The following MRPS23 variants were observed in gnomAD, a reference collection of about 807,000 sequenced individuals.
The protein encoded by MRPS23 is mitochondrial ribosomal protein S23, also known as small ribosomal subunit protein mS23.
MRPS23 carries 14 observed loss-of-function variants against 19.8 expected under a neutral mutation model. The ratio of observed to expected loss-of-function variants is 0.71; its 90% confidence interval spans 0.47 to 1.11. MRPS23 has a LOEUF of 1.11. Ranked by LOEUF, MRPS23 falls within the 50% of genes least tolerant of loss-of-function variation. MRPS23 has a pLI of 0.00. For synonymous variants in MRPS23, 113 were observed against 89.7 expected, an observed-to-expected ratio of 1.26 and a Z score of -1.47; for missense variants, 242 against 236.7, an observed-to-expected ratio of 1.02 and a Z score of -0.15.
intron 2 of MRPS23, among the ~76,000 whole-genome samples, chr17:57,844,535 G>A (rs1454907022): frequency 6.6e-6 from 1 of 150,560 alleles, no homozygotes; most frequent in South Asian, 2.1e-4. Context: ...CAAGGTAGGT[G>A]AATCACTGGA....
chr17:57,846,963 AAAAAAAG>A (rs2073780506), intron 2 of MRPS23, among the ~76,000 whole-genome samples: 1 of 151,488 alleles, frequency 6.6e-6, no homozygotes, highest in Non-Finnish European at 1.5e-5. Context: ...ATAAAAAATA[AAAAAAAG>A]AAAAAATAGA....
intron 2 of MRPS23, among the ~76,000 whole-genome samples, chr17:57,848,140 T>G (rs2073788531): frequency 6.6e-6 from 1 of 151,992 alleles, no homozygotes; most frequent in East Asian, 1.9e-4. Context: ...CCCAGGGTGG[T>G]CTCAAACTCC....
At chr17:57,841,407 T>C (rs2073739278) in intron 2 of MRPS23, 147 bp from the exon 3 acceptor site, 2 of 754,850 alleles carry the variant, frequency 2.6e-6, no homozygotes, top group Non-Finnish European at 4.2e-6. Flanking sequence ...TTTGTTTTTT[T>C]AGATAAGTAA....
intron 2 of MRPS23, among the ~76,000 whole-genome samples, chr17:57,845,282 T>C (rs900335990): frequency 6.6e-6 from 1 of 152,216 alleles, no homozygotes; most frequent in African/African-American, 2.4e-5. Flanking sequence ...CTCAAAGATC[T>C]CATGTTGTAT....
intron 2 of MRPS23, 146 bp downstream of exon 2, chr17:57,849,094 G>T: frequency 1.1e-6 from 1 of 947,968 alleles, no homozygotes; most frequent in Non-Finnish European, 1.5e-6. Flanking sequence ...TGAGGAAGGG[G>T]TGCTGCCTCC....
intron 2 of MRPS23, among the ~76,000 whole-genome samples, chr17:57,842,621 A>G (rs1422752225): frequency 6.6e-6 from 1 of 152,172 alleles, no homozygotes; most frequent in African/African-American, 2.4e-5. Context: ...AGGTATGTGC[A>G]TTTGTAATTA....
At position 57,835,242 on chromosome 17, in the gene MRPS23, C is replaced by T. The variant is rs1406296331; in HGVS notation, c.*4541G>A. ...ATCTCTGTCTGCCACTTAGATATAG[C>T]ACCATCACCTTCAACTTAGTAGGTT... On this transcript the variant is annotated 3_prime_UTR_variant, in exon 5 of 5. Transcript: ENST00000313608. 6.6e-6 allele frequency: 1 copy of T among 152,260 alleles called. No homozygotes were observed. The highest frequency in any genetic ancestry group is 1.5e-5 in the Non-Finnish European group (1 of 68,078). The allele number at this position is 152,260 out of a possible 1,614,324, so 9.4% of individuals were successfully genotyped here. A position where few individuals can be genotyped will look rare whatever the true frequency, so the allele number is the denominator to read the frequency against.
Position 57,840,951 on chromosome 17 carries a change from A to C in MRPS23, c.395T>G (p.Leu132Ter). The C allele has an allele frequency of 6.2e-7, 1 of 1,614,196 alleles. No homozygotes were observed. The highest frequency in any genetic ancestry group is 1.3e-5 in the African/African-American group (1 of 75,068). Residue 132 changes from leucine (L) to a stop codon, truncating the protein, a stop_gained, in exon 4 of 5, where the codon TTA becomes TGA. Transcript: ENST00000313608. LOFTEE classifies it low-confidence loss of function (END_TRUNC). ...GKALLAEGVI[L>*]RRVGEARTQH... ...AGTCCTTGCTTCGCCTACTCGTCTT[A>C]AAATGACACCTTCTGCCAATAAAGC...
rs1238424979 is a variant in MRPS23 at position 57,834,895 on chromosome 17, C to G, written c.*4888G>C. 1 of 152,116 alleles carries G rather than the reference C, an allele frequency of 6.6e-6. No individual in the cohort carries two copies. The highest frequency in any genetic ancestry group is 2.4e-5 in the African/African-American group (1 of 41,424). The allele number at this position is 152,116 out of a possible 1,614,324, so 9.4% of individuals were successfully genotyped here. On this transcript the variant is annotated 3_prime_UTR_variant, in exon 5 of 5. Transcript: ENST00000313608. ...ACCACTTTCATTATCAGAGAACTCTCGATACAAAGTGTTCTACAAAACTAC... is the reference window on the plus strand; with the variant it reads ...ACCACTTTCATTATCAGAGAACTCTGGATACAAAGTGTTCTACAAAACTAC...
rs1372623388 is a variant in MRPS23 at position 57,844,085 on chromosome 17, C to A, written c.216-2825G>T. Among the ~76,000 whole-genome samples the A allele has an allele frequency of 2.0e-5, 3 of 149,400 alleles. No homozygotes were observed. In the East Asian group the frequency reaches 5.9e-4, roughly 29 times the overall value. On this transcript the variant is annotated intron_variant, in intron 2 of 4. Transcript: ENST00000313608. ...TTTTTACACTTAGATTTTAATACATCTTTTTTGTTTGTTTTATTTATTTTG... is the reference window on the plus strand; with the variant it reads ...TTTTTACACTTAGATTTTAATACATATTTTTTGTTTGTTTTATTTATTTTG...
chr17:57,843,834 T>C (rs925407993), intron 2 of MRPS23, among the ~76,000 whole-genome samples: 1 of 152,234 alleles, frequency 6.6e-6, no homozygotes, highest in African/African-American at 2.4e-5. Context: ...AAGCAAACTT[T>C]GTAGCCATAT....
chr17:57,839,084 A>G lies in MRPS23; in HGVS notation c.*699T>C, dbSNP rs1185906750. On this transcript the variant is annotated 3_prime_UTR_variant, in exon 5 of 5. Transcript: ENST00000313608. Reference sequence around the variant, plus strand: ...TGCCTCCTTTCTTGGCAATCCTGTTATCTACACCATATGAATCCAGTCTTT... The same window carrying G: ...TGCCTCCTTTCTTGGCAATCCTGTTGTCTACACCATATGAATCCAGTCTTT... The G allele has an allele frequency of 3.9e-5, 6 of 152,246 alleles. No individual in the cohort carries two copies. The highest frequency in any genetic ancestry group is 9.6e-5 in the African/African-American group (4 of 41,462). 9.4% of individuals were successfully genotyped at this position (152,246 alleles called of 1,614,324 possible).
chr17:57,845,408 T>C (rs940520179), intron 2 of MRPS23, among the ~76,000 whole-genome samples: 2 of 152,166 alleles, frequency 1.3e-5, no homozygotes, highest in African/African-American at 4.8e-5. Flanking sequence ...AATGACCTTA[T>C]AAATTCCATT....
chr17:57,846,621 C>A (rs553383991), intron 2 of MRPS23, among the ~76,000 whole-genome samples: 1 of 152,098 alleles, frequency 6.6e-6, no homozygotes, highest in Admixed American at 6.5e-5. Context: ...TTACCCCCAA[C>A]CCCCTGCTCT....
rs2073720723 is a variant in MRPS23 at position 57,838,441 on chromosome 17, A to C, written c.*1342T>G. The C allele has an allele frequency of 1.3e-5, 2 of 152,122 alleles. No homozygotes were observed. Among genetic ancestry groups the C allele is most frequent in the Non-Finnish European group, 2.9e-5 (2 of 68,032 alleles). The allele number at this position is 152,122 out of a possible 1,614,324, so 9.4% of individuals were successfully genotyped here. A position where few individuals can be genotyped will look rare whatever the true frequency, so the allele number is the denominator to read the frequency against. ...TGGCAAAAAAAACCTGCCCTTAAAA[A>C]ACCAGAAACCTAAGGTTTAAAGAGA... On this transcript the variant is annotated 3_prime_UTR_variant, in exon 5 of 5. Transcript: ENST00000313608.
At chr17:57,841,704 T>C (rs1205632310) in intron 2 of MRPS23, among the ~76,000 whole-genome samples, 3 of 152,250 alleles carry the variant, frequency 2.0e-5, no homozygotes. Context: ...CTCATGCCTA[T>C]AATCCCAGCA....
At chr17:57,843,405 T>C (rs1339830426) in intron 2 of MRPS23, among the ~76,000 whole-genome samples, 1 of 152,238 alleles carries the variant, frequency 6.6e-6, no homozygotes, top group African/African-American at 2.4e-5. Flanking sequence ...GGACATCTTT[T>C]CAAGTTTAAA....
Position 57,840,966 on chromosome 17 carries a change from G to A in MRPS23, c.380C>T (p.Ala127Val), listed in dbSNP as rs142447047. ...TACTCGTCTTAAAATGACACCTTCT[G>A]CCAATAAAGCCTTCCCTGTTTCCAC... ...LFVETGKALL[A>V]EGVILRRVGE... Residue 127 changes from alanine (A) to valine (V), a missense_variant, in exon 4 of 5, where the codon GCA becomes GTA. Transcript: ENST00000313608. 1.4e-5 allele frequency: 23 copies of A among 1,614,030 alleles called. No individual in the cohort carries two copies. Among genetic ancestry groups the A allele is most frequent in the African/African-American group, 4.0e-5 (3 of 74,926 alleles).
At position 57,835,148 on chromosome 17, in the gene MRPS23, C is replaced by T. The variant is rs2586032; in HGVS notation, c.*4635G>A. On this transcript the variant is annotated 3_prime_UTR_variant, in exon 5 of 5. Transcript: ENST00000313608. ...CAGCCCCCAACATCCCAGATCTCTCCCCACTACCCTTGGAGAGCTCATTTC... is the reference window on the plus strand; with the variant it reads ...CAGCCCCCAACATCCCAGATCTCTCTCCACTACCCTTGGAGAGCTCATTTC... 149,768 of 152,344 alleles carry T rather than the reference C, an allele frequency of 0.98. 73,665 individuals are homozygous for T. The highest frequency in any genetic ancestry group is 1 in the East Asian group (5,180 of 5,180). 9.4% of individuals were successfully genotyped at this position (152,344 alleles called of 1,614,324 possible).
Sources: gnomAD v4.1 joint callset for allele counts (sites outside exome capture counted in the v4.1 genomes callset) on GRCh38, gnomAD v4.1.1 for gene constraint, MANE v1.5 for transcripts, NCBI Gene and HGNC (gene_info 2026-07-23, HGNC 2026-07-21) for gene names.